Variants in MAML2 observed in about 807,000 individuals in gnomAD.
MAML2 encodes mastermind-like protein 2.
In MAML2, 22 loss-of-function variants were observed where a neutral mutation model predicts 96.1. That is an observed-to-expected ratio of 0.23 (90% CI 0.16 to 0.33). The LOEUF (loss-of-function observed/expected upper bound fraction) is 0.33, where lower values mean the gene tolerates loss of function less well. MAML2 is among the 10% of genes least tolerant of loss of function. The pLI is 1.00. For missense variants in MAML2, 1,367 were observed against 1,392.4 expected, an observed-to-expected ratio of 0.98 and a Z score of 0.29; for synonymous variants, 561 against 521.3, an observed-to-expected ratio of 1.08 and a Z score of -1.04.
intron 3 of MAML2, among the ~76,000 whole-genome samples, chr11:95,986,826 C>T (rs189927742): frequency 3.3e-5 from 5 of 152,076 alleles, no homozygotes; most frequent in Non-Finnish European, 5.9e-5. Context: ...GTTTGCTGTC[C>T]TCCCTTCATT....
rs560115595 is a variant in MAML2 at position 96,277,091 on chromosome 11, A to G, written c.513+64292T>C. 2.0e-5 allele frequency among the ~76,000 whole-genome samples: 3 copies of G among 152,318 alleles called. No homozygotes were observed. The South Asian group carries it at 6.2e-4, about 32-fold the overall frequency. On this transcript the variant is annotated intron_variant, in intron 1 of 4. Transcript: ENST00000524717. ...ATTTATGATACAAGGCAATATATTT[A>G]AAGTGTCAGTTCAGTGCCATACTCA...
At chr11:96,010,581 A>G (rs1158937092) in intron 2 of MAML2, among the ~76,000 whole-genome samples, 12 of 152,198 alleles carry the variant, frequency 7.9e-5, no homozygotes, top group African/African-American at 2.7e-4. Flanking sequence ...CCTGATTACA[A>G]TGTAGATGAG....
intron 1 of MAML2, among the ~76,000 whole-genome samples, chr11:96,274,168 C>G (rs1050951878): frequency 1.3e-4 from 20 of 150,762 alleles, no homozygotes; most frequent in Admixed American, 8.6e-4. Flanking sequence ...CTGCAAGCTC[C>G]GCCTCGCGGG....
At chr11:96,297,145 T>G (rs1365670802) in intron 1 of MAML2, among the ~76,000 whole-genome samples, 1 of 152,134 alleles carries the variant, frequency 6.6e-6, no homozygotes, top group Admixed American at 6.5e-5. Context: ...CCCCAGCTGA[T>G]GATGGGGAGA....
chr11:96,232,707 G>A (rs557783885), intron 1 of MAML2, among the ~76,000 whole-genome samples: 23 of 152,234 alleles, frequency 1.5e-4, no homozygotes, highest in Non-Finnish European at 2.9e-4. Flanking sequence ...TCCTGACCTC[G>A]CGATCCGCCT....
At chr11:96,135,898 T>C (rs1860624081) in intron 1 of MAML2, among the ~76,000 whole-genome samples, 1 of 151,692 alleles carries the variant, frequency 6.6e-6, no homozygotes, top group Non-Finnish European at 1.5e-5. Flanking sequence ...AAATTAACTG[T>C]GGACTCCTTG....
rs113828810 is a variant in MAML2 at position 96,325,628 on chromosome 11, AT to A, written c.513+15754del. On this transcript the variant is annotated intron_variant, in intron 1 of 4. Coordinates refer to ENST00000524717, the MANE Select transcript of MAML2 (RefSeq NM_032427.4). Reference sequence around the variant, plus strand: ...CCTGTACCTCCTTGGGACACTGATCATTTTTTTTTTTCTGTTTCTATAAAGA... The same window carrying A: ...CCTGTACCTCCTTGGGACACTGATCATTTTTTTTTTCTGTTTCTATAAAGA... 2.9e-3 allele frequency among the ~76,000 whole-genome samples: 433 copies of A among 148,874 alleles called. 3 individuals are homozygous for A. Among genetic ancestry groups the A allele is most frequent in the Admixed American group, 0.014 (214 of 14,878 alleles).
intron 1 of MAML2, among the ~76,000 whole-genome samples, chr11:96,295,937 AACAC>A (rs56231526): frequency 0.21 from 29,301 of 137,616 alleles, 3,160 homozygotes; most frequent in Middle Eastern, 0.28. Flanking sequence ...CAGAACAGTA[AACAC>A]ACACACACAC....
At chr11:96,246,423 A>G (rs1862513040) in intron 1 of MAML2, among the ~76,000 whole-genome samples, 1 of 152,132 alleles carries the variant, frequency 6.6e-6, no homozygotes, top group Non-Finnish European at 1.5e-5. Flanking sequence ...ACAAAATGCT[A>G]TGGAAGCACA....
chr11:96,115,486 T>TA (rs397718136), intron 1 of MAML2, among the ~76,000 whole-genome samples: 1 of 151,244 alleles, frequency 6.6e-6, no homozygotes, highest in Admixed American at 6.6e-5. Context: ...TTTTTTTTTT[T>TA]AAACCCCATT....
intron 1 of MAML2, among the ~76,000 whole-genome samples, chr11:96,280,948 G>T (rs540319640): frequency 6.6e-6 from 1 of 152,204 alleles, no homozygotes; most frequent in South Asian, 2.1e-4. Context: ...TACAAAGTAA[G>T]AACAATGTAT....
chr11:96,271,471 A>G (rs11825625), intron 1 of MAML2, among the ~76,000 whole-genome samples: 55,692 of 151,884 alleles, frequency 0.37, 10,438 homozygotes, highest in East Asian at 0.56. Flanking sequence ...TAGTTCCCAT[A>G]ATCCTCACTT....
chr11:95,985,406 C>T, intron 4 of MAML2, 125 bp downstream of exon 4: 1 of 615,960 alleles, frequency 1.6e-6, no homozygotes, highest in South Asian at 2.5e-5. Context: ...GCATGAAAGT[C>T]AAATGGGAGT....
intron 1 of MAML2, among the ~76,000 whole-genome samples, chr11:96,195,331 G>T (rs1027171920): frequency 2.6e-5 from 4 of 152,206 alleles, no homozygotes; most frequent in Non-Finnish European, 5.9e-5. Flanking sequence ...TAGTACTGGG[G>T]AGCTTCAGTG....
intron 1 of MAML2, among the ~76,000 whole-genome samples, chr11:96,105,707 G>A (rs1467973665): frequency 6.6e-6 from 1 of 152,148 alleles, no homozygotes; most frequent in Non-Finnish European, 1.5e-5. Flanking sequence ...CTGGGCTAAT[G>A]TTAGCCTGAG....
chr11:96,124,066 C>T (rs1017381745), intron 1 of MAML2, among the ~76,000 whole-genome samples: 1 of 123,952 alleles, frequency 8.1e-6, no homozygotes, highest in Non-Finnish European at 1.6e-5. Context: ...AACGAGCAAC[C>T]AGCAACGAGC....
chr11:96,271,196 T>C (rs908741735), intron 1 of MAML2, among the ~76,000 whole-genome samples: 9 of 152,212 alleles, frequency 5.9e-5, no homozygotes, highest in Admixed American at 5.2e-4. Flanking sequence ...GGCAACCTAT[T>C]TGTGGGACTT....
chr11:96,187,508 G>A (rs1202138264), intron 1 of MAML2, among the ~76,000 whole-genome samples: 1 of 152,174 alleles, frequency 6.6e-6, no homozygotes, highest in Non-Finnish European at 1.5e-5. Flanking sequence ...TATCCAAAGT[G>A]AGTAAGAAGT....
intron 1 of MAML2, among the ~76,000 whole-genome samples, chr11:96,294,479 C>T (rs2135993798): frequency 6.6e-6 from 1 of 152,266 alleles, no homozygotes; most frequent in East Asian, 1.9e-4. Flanking sequence ...CCAGTTGTAG[C>T]TAAATGATTG....
Sources: allele counts gnomAD v4.1 joint callset (sites outside exome capture counted in the v4.1 genomes callset), GRCh38; gene constraint gnomAD v4.1.1; transcripts MANE v1.5; gene names NCBI Gene and HGNC (gene_info 2026-07-23, HGNC 2026-07-21).